Variants in CPED1 observed in about 807,000 individuals in gnomAD.
The protein encoded by CPED1 is cadherin-like and PC-esterase domain-containing protein 1.
Under a neutral mutation model 128.2 loss-of-function variants are expected in CPED1, and 114 were observed. That is an observed-to-expected ratio of 0.89 (90% CI 0.76 to 1.04). The LOEUF (loss-of-function observed/expected upper bound fraction) is 1.04, where lower values mean the gene tolerates loss of function less well. CPED1 is among the 50% of genes least tolerant of loss of function. The pLI, the probability that CPED1 is intolerant of heterozygous loss-of-function variation, is 0.00. For synonymous variants in CPED1, 462 were observed against 426.7 expected, an observed-to-expected ratio of 1.08 and a Z score of -1.02; for missense variants, 1,211 against 1,207.1, an observed-to-expected ratio of 1.00 and a Z score of -0.05.
chr7:121,003,410 G>A (rs536768598), intron 2 of CPED1, among the ~76,000 whole-genome samples: 8 of 152,282 alleles, frequency 5.3e-5, no homozygotes, highest in African/African-American at 1.9e-4. Context: ...ATCCCATAAA[G>A]AAAGGATTAG....
intron 12 of CPED1, among the ~76,000 whole-genome samples, chr7:121,131,635 A>G (rs972511722): frequency 7.9e-5 from 12 of 151,938 alleles, no homozygotes; most frequent in African/African-American, 2.9e-4. Context: ...AGAAGATTGA[A>G]TTCTCTTCTA....
intron 16 of CPED1, among the ~76,000 whole-genome samples, chr7:121,153,034 C>A (rs908094930): frequency 6.6e-6 from 1 of 151,988 alleles, no homozygotes; most frequent in African/African-American, 2.4e-5. Flanking sequence ...AGAGAGAAAA[C>A]CTTTCTTTAC....
At chr7:121,151,656 G>A (rs1223362798) in intron 16 of CPED1, among the ~76,000 whole-genome samples, 1 of 152,166 alleles carries the variant, frequency 6.6e-6, no homozygotes, top group Non-Finnish European at 1.5e-5. Flanking sequence ...TCTTCTTACA[G>A]GCTTGAAAAG....
intron 2 of CPED1, among the ~76,000 whole-genome samples, chr7:121,008,875 T>A (rs1792092492): frequency 6.6e-6 from 1 of 151,972 alleles, no homozygotes; most frequent in Non-Finnish European, 1.5e-5. Flanking sequence ...AATAGACAAA[T>A]GAAAGAATGA....
At chr7:121,267,632 T>C (rs906248382) in intron 21 of CPED1, among the ~76,000 whole-genome samples, 5 of 152,044 alleles carry the variant, frequency 3.3e-5, no homozygotes, top group African/African-American at 1.2e-4. Flanking sequence ...CATTGGTTTT[T>C]CCTGTAATTG....
At chr7:121,092,662 G>T (rs10225498) in intron 5 of CPED1, among the ~76,000 whole-genome samples, 1 of 152,128 alleles carries the variant, frequency 6.6e-6, no homozygotes, top group African/African-American at 2.4e-5. Flanking sequence ...GAGGTGAAAG[G>T]GTGGTTGATG....
chr7:121,248,577 A>G (rs1320089965), intron 18 of CPED1, among the ~76,000 whole-genome samples: 1 of 144,876 alleles, frequency 6.9e-6, no homozygotes, highest in Non-Finnish European at 1.5e-5. Flanking sequence ...TTGCTAATAT[A>G]GCAGCACCCT....
intron 22 of CPED1, among the ~76,000 whole-genome samples, chr7:121,279,757 A>T (rs1247227993): frequency 6.6e-6 from 1 of 152,174 alleles, no homozygotes; most frequent in African/African-American, 2.4e-5. Context: ...ATATCTTTTA[A>T]AATGGAACTG....
intron 4 of CPED1, among the ~76,000 whole-genome samples, chr7:121,057,456 A>G (rs1793529952): frequency 2.0e-5 from 3 of 151,974 alleles, no homozygotes; most frequent in East Asian, 1.9e-4. Flanking sequence ...CAAGTCCCCA[A>G]TTTCACTCAC....
intron 16 of CPED1, among the ~76,000 whole-genome samples, chr7:121,164,933 C>G (rs1205037278): frequency 2.6e-5 from 4 of 152,188 alleles, no homozygotes; most frequent in African/African-American, 9.6e-5. Context: ...TTCTTTATGA[C>G]ATAAATGTGT....
intron 3 of CPED1, among the ~76,000 whole-genome samples, chr7:121,025,232 C>A (rs1246517860): frequency 6.6e-6 from 1 of 151,908 alleles, no homozygotes; most frequent in Non-Finnish European, 1.5e-5. Flanking sequence ...GGTAATAAAG[C>A]CTTAAGAAAA....
rs574986213 is a variant in CPED1, at chr7:121,226,017, C to T, written c.2056-10697C>T. Among the ~76,000 whole-genome samples the T allele has an allele frequency of 1.2e-3, 179 of 152,172 alleles. 2 individuals carry two copies. Among genetic ancestry groups the T allele is most frequent in the African/African-American group, 4.1e-3 (169 of 41,554 alleles). ...AGTCATTCTCCATCCAGCTTTGTTC[C>T]GTTGCTGACGAGGAACTGTGATCCT... On this transcript the variant is annotated intron_variant, in intron 16 of 22. Transcript: ENST00000310396.
chr7:120,992,695 A>T (rs1017831565), intron 2 of CPED1, among the ~76,000 whole-genome samples: 1 of 152,254 alleles, frequency 6.6e-6, no homozygotes, highest in Non-Finnish European at 1.5e-5. Context: ...AAATATTCAG[A>T]AACCAAAGTA....
intron 2 of CPED1, among the ~76,000 whole-genome samples, chr7:121,005,063 C>T (rs144009773): frequency 2.0e-3 from 304 of 152,270 alleles, no homozygotes; most frequent in African/African-American, 7.1e-3. Context: ...TATATAAACA[C>T]TACCTTTTTG....
intron 5 of CPED1, among the ~76,000 whole-genome samples, chr7:121,087,665 C>T (rs1324129434): frequency 8.4e-5 from 11 of 131,564 alleles, no homozygotes; most frequent in Admixed American, 3.0e-4. Flanking sequence ...CTTTTCTTTC[C>T]TGTTTTTTTT....
intron 5 of CPED1, among the ~76,000 whole-genome samples, chr7:121,087,431 G>T (rs1481422471): frequency 6.6e-6 from 1 of 152,032 alleles, no homozygotes; most frequent in African/African-American, 2.4e-5. Flanking sequence ...TAAAGACTTG[G>T]TTCCCAAATT....
chr7:121,083,215 GC>G (rs1300432890), intron 5 of CPED1, among the ~76,000 whole-genome samples: 1 of 152,186 alleles, frequency 6.6e-6, no homozygotes, highest in African/African-American at 2.4e-5. Flanking sequence ...TTTCTAGGCA[GC>G]ATAGAAAATT....
At chr7:121,215,274 A>G (rs10251901) in intron 16 of CPED1, among the ~76,000 whole-genome samples, 62,029 of 151,914 alleles carry the variant, frequency 0.41, 13,530 homozygotes, top group East Asian at 0.79. Flanking sequence ...TAAACATGTA[A>G]TAAACACCTC....
chr7:121,088,763 CAAAAAAAAAAAAAAA>C (rs71170226), intron 5 of CPED1, among the ~76,000 whole-genome samples: 10 of 53,794 alleles, frequency 1.9e-4, no homozygotes, highest in South Asian at 8.8e-4. Flanking sequence ...CAAAAATTGG[CAAAAAAAAAAAAAAA>C]AAAAAAAAAA....
Sources: allele counts gnomAD v4.1 joint callset (sites outside exome capture counted in the v4.1 genomes callset), GRCh38; gene constraint gnomAD v4.1.1; transcripts MANE v1.5; gene names NCBI Gene and HGNC (gene_info 2026-07-23, HGNC 2026-07-21).